CCDC18: variants seen among roughly 807,000 people sequenced by gnomAD.
CCDC18 encodes coiled-coil domain containing 18, also known as coiled-coil domain-containing protein 18.
In CCDC18, 157 loss-of-function variants were observed where a neutral mutation model predicts 196.0. The ratio of observed to expected loss-of-function variants is 0.80; its 90% CI spans 0.70 to 0.91. The LOEUF is 0.91. CCDC18 is among the 40% of genes least tolerant of loss of function. CCDC18 has a pLI of 0.00. For missense variants in CCDC18, 1,465 were observed against 1,611.6 expected (o/e 0.91, Z 1.56); for synonymous variants, 482 against 529.2 (o/e 0.91, Z 1.22).
upstream of CCDC18, chr1:93,180,580 G>C (rs775963120): frequency 7.1e-7 from 1 of 1,402,622 alleles, no homozygotes; most frequent in African/African-American, 1.5e-5. Context: ...GGGAAATGTA[G>C]TCCCGGGCGG....
chr1:93,191,690 TTA>T (rs1651838376), intron 4 of CCDC18, among the ~76,000 whole-genome samples: 2 of 152,212 alleles, frequency 1.3e-5, no homozygotes, highest in Non-Finnish European at 1.5e-5. Flanking sequence ...GTTTGATATT[TTA>T]TGTTTAATTT....
At chr1:93,212,923 G>A (rs1464858409) in intron 11 of CCDC18, among the ~76,000 whole-genome samples, 2 of 152,238 alleles carry the variant, frequency 1.3e-5, no homozygotes, top group Non-Finnish European at 2.9e-5. Flanking sequence ...CCCTGACCTT[G>A]TTTTCCTGCA....
intron 6 of CCDC18, 65 bp from the exon 7 acceptor site, chr1:93,201,827 G>A: frequency 1.0e-6 from 1 of 987,900 alleles, no homozygotes; most frequent in Non-Finnish European, 1.5e-6. Flanking sequence ...AGATTACTTT[G>A]GAACTTAACT....
intron 4 of CCDC18, among the ~76,000 whole-genome samples, chr1:93,187,345 C>T (rs1463627547): frequency 6.6e-6 from 1 of 151,944 alleles, no homozygotes. Context: ...AAAACAATTA[C>T]CTAATATATT....
chr1:93,212,288 A>G lies in CCDC18; in HGVS notation c.1495+27A>G, dbSNP rs369173646. On this transcript the variant is annotated intron_variant, in intron 11 of 28. Transcript: ENST00000690025. ...TAAGTATATTGAGTTATTTTAATAA[A>G]TTATATTCAGAGTTTTGGATGATAG... is the stretch of plus-strand genomic sequence containing the variant. The G allele has an allele frequency of 4.5e-4, 619 of 1,376,454 alleles. 2 individuals carry two copies. In the African/African-American group the frequency reaches 8.3e-3, roughly 19 times the overall value. The allele number at this position is 1,376,454 out of a possible 1,614,324, so 85.3% of individuals were successfully genotyped here. A position where few individuals can be genotyped will look rare whatever the true frequency, so the allele number is the denominator to read the frequency against.
At chr1:93,186,321 A>T in intron 3 of CCDC18, 24 bp from the exon 4 acceptor site, 1 of 1,595,552 alleles carries the variant, frequency 6.3e-7, no homozygotes, top group Non-Finnish European at 8.6e-7. Flanking sequence ...TTGAAAATAT[A>T]TTTGTTCTTT....
At chr1:93,220,258 A>T (rs1657188132) in intron 14 of CCDC18, among the ~76,000 whole-genome samples, 1 of 152,184 alleles carries the variant, frequency 6.6e-6, no homozygotes, top group Admixed American at 6.5e-5. Flanking sequence ...AGAGAAAAAA[A>T]CTGTCATTCT....
At chr1:93,275,678 A>T (rs914852794) in intron 28 of CCDC18, among the ~76,000 whole-genome samples, 1 of 152,170 alleles carries the variant, frequency 6.6e-6, no homozygotes, top group African/African-American at 2.4e-5. Flanking sequence ...GCTCATGCAA[A>T]AGCTCCAGAG....
In CCDC18 at chr1:93,254,571, AAG is replaced by A; in HGVS notation, c.3301_3302del (p.Glu1101AsnfsTer2). The A allele has an allele frequency of 6.2e-7, 1 of 1,610,620 alleles. No homozygotes were observed. Among genetic ancestry groups the A allele is most frequent in the South Asian group, 1.1e-5 (1 of 90,490 alleles). On this transcript the variant is annotated frameshift_variant, in exon 24 of 29. Coordinates refer to ENST00000690025, the MANE Select transcript of CCDC18 (RefSeq NM_001378204.1). LOFTEE classifies it high-confidence loss of function. ...GAACAGGAGATAAGTCAACTGAAAA[AAG>A]AAATTGAAAGAACACAACAAAGGAT...
At chr1:93,220,829 C>T (rs1432207650) in intron 14 of CCDC18, among the ~76,000 whole-genome samples, 1 of 152,090 alleles carries the variant, frequency 6.6e-6, no homozygotes, top group Non-Finnish European at 1.5e-5. Context: ...CTCCCCATGT[C>T]TTCGTGTGTT....
At chr1:93,238,592 A>G (rs554505187) in intron 19 of CCDC18, among the ~76,000 whole-genome samples, 5 of 152,320 alleles carry the variant, frequency 3.3e-5, no homozygotes, top group South Asian at 2.1e-4. Flanking sequence ...AACTCTTCCT[A>G]CCATTGAGGG....
At chr1:93,213,073 C>T (rs748570271) in intron 11 of CCDC18, among the ~76,000 whole-genome samples, 1 of 152,122 alleles carries the variant, frequency 6.6e-6, no homozygotes, top group African/African-American at 2.4e-5. Flanking sequence ...TCTAATGCTG[C>T]CGCTAATCTG....
chr1:93,262,024 G>A (rs1663867124), intron 26 of CCDC18, among the ~76,000 whole-genome samples: 1 of 152,146 alleles, frequency 6.6e-6, no homozygotes, highest in South Asian at 2.1e-4. Context: ...AGGAGAGAAA[G>A]AGTGTGTAAA....
intron 28 of CCDC18, 148 bp from the exon 29 acceptor site, chr1:93,278,315 A>G (rs1665744396): frequency 6.1e-6 from 2 of 327,138 alleles, no homozygotes; most frequent in Non-Finnish European, 1.1e-5. Context: ...GTGGTTCATT[A>G]TTGACTTTTT....
rs34139452 is a variant in CCDC18, at chr1:93,254,941, C to CTTTTTTTT, written c.3342+349_3342+356dup. Reference sequence around the variant, plus strand: ...CTATGTAATAGAATTGAGGAGTCAGCTTTTTTTTTTTTTTTTTTTTTTTTT... The same window carrying CTTTTTTTT: ...CTATGTAATAGAATTGAGGAGTCAGCTTTTTTTTTTTTTTTTTTTTTTTTTTTTTTTTT... On this transcript the variant is annotated intron_variant, in intron 24 of 28. Coordinates refer to ENST00000690025, the MANE Select transcript of CCDC18 (RefSeq NM_001378204.1). Among the ~76,000 whole-genome samples the CTTTTTTTT allele has an allele frequency of 3.2e-4, 14 of 44,290 alleles. 5 individuals are homozygous for CTTTTTTTT. The highest frequency in any genetic ancestry group is 4.1e-4 in the Non-Finnish European group (11 of 27,118). The allele number at this position is 44,290 out of a possible 152,430, so 29.1% of individuals were successfully genotyped here.
chr1:93,242,578 A>G lies in CCDC18; in HGVS notation c.2981+2682A>G, dbSNP rs548677646. 6.5e-4 allele frequency among the ~76,000 whole-genome samples: 99 copies of G among 152,320 alleles called. 1 individual carries two copies. Among genetic ancestry groups the G allele is most frequent in the African/African-American group, 1.8e-3 (74 of 41,572 alleles). ...TTTCAAAACAAATTATGCCTTCCCAACAGTCTCTCAAAGTCTTAATTCATT... is the reference window on the plus strand; with the variant it reads ...TTTCAAAACAAATTATGCCTTCCCAGCAGTCTCTCAAAGTCTTAATTCATT... On this transcript the variant is annotated intron_variant, in intron 21 of 28. Coordinates refer to ENST00000690025, the MANE Select transcript of CCDC18 (RefSeq NM_001378204.1).
chr1:93,227,940 A>T (rs2102372889), intron 17 of CCDC18, among the ~76,000 whole-genome samples: 1 of 144,818 alleles, frequency 6.9e-6, no homozygotes, highest in East Asian at 2.0e-4. Context: ...CCTGGGCAGC[A>T]CAGCGAGACC....
chr1:93,226,990 A>G (rs1658455494), intron 17 of CCDC18, among the ~76,000 whole-genome samples: 1 of 152,158 alleles, frequency 6.6e-6, no homozygotes, highest in Non-Finnish European at 1.5e-5. Flanking sequence ...AGAATAAATT[A>G]TTAATATTAC....
At chr1:93,215,931 A>G (rs1448331490) in intron 12 of CCDC18, among the ~76,000 whole-genome samples, 1 of 152,244 alleles carries the variant, frequency 6.6e-6, no homozygotes, top group African/African-American at 2.4e-5. Flanking sequence ...AGGGTGCCTC[A>G]TTAGGTAATT....
Sources: allele counts gnomAD v4.1 joint callset (sites outside exome capture counted in the v4.1 genomes callset), GRCh38; gene constraint gnomAD v4.1.1; transcripts MANE v1.5; gene names NCBI Gene and HGNC (gene_info 2026-07-23, HGNC 2026-07-21).